The following HDAC9 variants were observed in gnomAD, a reference collection of about 807,000 sequenced individuals.
HDAC9 encodes the protein MEF-2 interacting transcription repressor (MITR) protein.
In HDAC9, 41 loss-of-function variants were observed where a neutral mutation model predicts 139.4. The observed-to-expected ratio is 0.29, with a 90% CI of 0.23 to 0.38. HDAC9 has a LOEUF of 0.38. Ranked by LOEUF, HDAC9 falls within the 10% of genes least tolerant of loss-of-function variation. HDAC9 has a pLI of 1.00. For synonymous variants in HDAC9, 517 were observed against 476.2 expected, an observed-to-expected ratio of 1.09 and a Z score of -1.12; for missense variants, 1,147 against 1,297.0, an observed-to-expected ratio of 0.88 and a Z score of 1.78.
intron 1 of HDAC9, among the ~76,000 whole-genome samples, chr7:18,378,382 T>G (rs1017207482): frequency 2.0e-5 from 3 of 152,010 alleles, no homozygotes; most frequent in Non-Finnish European, 4.4e-5. Flanking sequence ...ATAAATTATA[T>G]AAAAAACTTT....
At chr7:18,775,263 T>A (rs1396165256) in intron 16 of HDAC9, among the ~76,000 whole-genome samples, 3 of 152,012 alleles carry the variant, frequency 2.0e-5, no homozygotes, top group African/African-American at 7.2e-5. Flanking sequence ...ATTACCAAAA[T>A]GTGACACAGA....
chr7:18,186,405 G>A (rs747639095), intron 2 of HDAC9, among the ~76,000 whole-genome samples: 7 of 152,266 alleles, frequency 4.6e-5, no homozygotes, highest in Admixed American at 1.3e-4. Context: ...GGCATGTGCC[G>A]CTGGCACCGG....
At chr7:18,509,258 T>C in intron 2 of HDAC9, 1 of 985,306 alleles carries the variant, frequency 1.0e-6, no homozygotes, top group South Asian at 4.7e-5. Flanking sequence ...GGAAGTGTTC[T>C]GGAGCTATTT....
At chr7:18,353,733 T>C (rs1783035468) in intron 1 of HDAC9, among the ~76,000 whole-genome samples, 1 of 152,202 alleles carries the variant, frequency 6.6e-6, no homozygotes, top group African/African-American at 2.4e-5. Context: ...GATCTCGAGC[T>C]ATTTTCTGCC....
intron 2 of HDAC9, among the ~76,000 whole-genome samples, chr7:18,283,794 G>A (rs914199956): frequency 6.6e-6 from 1 of 152,164 alleles, no homozygotes; most frequent in African/African-American, 2.4e-5. Context: ...TTCAGCTGCA[G>A]AATTAAATGA....
intron 1 of HDAC9, among the ~76,000 whole-genome samples, chr7:18,387,950 AAAAG>A: frequency 6.6e-6 from 1 of 152,172 alleles, no homozygotes; most frequent in East Asian, 1.9e-4. Context: ...AGAGAAAAAA[AAAAG>A]AAAAAAGCTT....
intron 12 of HDAC9, among the ~76,000 whole-genome samples, chr7:18,696,282 A>T (rs1783036350): frequency 6.6e-6 from 1 of 150,550 alleles, no homozygotes; most frequent in African/African-American, 2.4e-5. Flanking sequence ...TTGTCACAAG[A>T]TGCAAAACTA....
chr7:18,631,842 A>T (rs1782448300), intron 7 of HDAC9, among the ~76,000 whole-genome samples: 1 of 151,994 alleles, frequency 6.6e-6, no homozygotes, highest in African/African-American at 2.4e-5. Flanking sequence ...CTGAGATCAG[A>T]GATCTCAGAA....
At chr7:18,623,541 G>A (rs376610668) in intron 6 of HDAC9, among the ~76,000 whole-genome samples, 73 of 152,154 alleles carry the variant, frequency 4.8e-4, no homozygotes, top group African/African-American at 1.7e-3. Flanking sequence ...AACCAGGTGA[G>A]CCAAGAACCA....
At chr7:18,484,232 C>T (rs1298043185) in intron 1 of HDAC9, among the ~76,000 whole-genome samples, 2 of 149,522 alleles carry the variant, frequency 1.3e-5, no homozygotes, top group Admixed American at 6.7e-5. Flanking sequence ...GTAGTCCCAG[C>T]GCTTGAGGGG....
intron 1 of HDAC9, among the ~76,000 whole-genome samples, chr7:18,373,928 T>G (rs1220826604): frequency 2.0e-5 from 3 of 152,038 alleles, no homozygotes; most frequent in Non-Finnish European, 4.4e-5. Flanking sequence ...TAATTAGATA[T>G]TTAATCTAAG....
chr7:18,739,297 T>C (rs182842654), intron 13 of HDAC9, among the ~76,000 whole-genome samples: 2 of 152,350 alleles, frequency 1.3e-5, no homozygotes, highest in African/African-American at 4.8e-5. Flanking sequence ...CCAGCCTTGT[T>C]CCATTGCTGG....
At chr7:18,254,324 G>A (rs149502715) in intron 2 of HDAC9, among the ~76,000 whole-genome samples, 288 of 152,290 alleles carry the variant, frequency 1.9e-3, no homozygotes, top group African/African-American at 6.6e-3. Context: ...TACACCCTTG[G>A]ACTATTCACT....
chr7:18,486,023 G>C (rs897560632), intron 1 of HDAC9, among the ~76,000 whole-genome samples: 1 of 152,128 alleles, frequency 6.6e-6, no homozygotes, highest in Admixed American at 6.6e-5. Context: ...CATGGTAAGG[G>C]CATCTTGTGT....
chr7:18,258,335 T>C (rs1584885562), intron 2 of HDAC9, among the ~76,000 whole-genome samples: 2 of 152,228 alleles, frequency 1.3e-5, no homozygotes, highest in African/African-American at 4.8e-5. Flanking sequence ...CTTTTATTTA[T>C]TTTTTATTTC....
intron 1 of HDAC9, among the ~76,000 whole-genome samples, chr7:18,111,517 T>C (rs1783619051): frequency 6.6e-6 from 1 of 152,194 alleles, no homozygotes; most frequent in African/African-American, 2.4e-5. Context: ...TATCAGTGGA[T>C]GCCCAAGTCT....
chr7:18,493,202 A>G (rs1392513422), upstream of HDAC9, among the ~76,000 whole-genome samples: 2 of 151,866 alleles, frequency 1.3e-5, no homozygotes, highest in African/African-American at 2.4e-5. Flanking sequence ...TTGAAGGTGT[A>G]ATTTAAACTT....
intron 2 of HDAC9, among the ~76,000 whole-genome samples, chr7:18,163,095 T>C (rs1468272137): frequency 6.6e-6 from 1 of 152,116 alleles, no homozygotes; most frequent in Non-Finnish European, 1.5e-5. Flanking sequence ...ATATCCTTGG[T>C]TTATTGAACT....
chr7:18,609,948 G>C (rs1836644658), intron 6 of HDAC9, among the ~76,000 whole-genome samples: 1 of 152,114 alleles, frequency 6.6e-6, no homozygotes. Flanking sequence ...TCCCTACAAA[G>C]GACATGAACT....
Sources: allele counts gnomAD v4.1 joint callset (sites outside exome capture counted in the v4.1 genomes callset), GRCh38; gene constraint gnomAD v4.1.1; transcripts MANE v1.5; gene names NCBI Gene and HGNC (gene_info 2026-07-23, HGNC 2026-07-21).